The following TBL1X variants were observed in gnomAD, a reference collection of about 807,000 sequenced individuals.
TBL1X encodes the protein F-box-like/WD repeat-containing protein TBL1X.
Under a neutral mutation model 50.7 loss-of-function variants are expected in TBL1X, and 10 were observed. The ratio of observed to expected loss-of-function variants is 0.20; its 90% CI spans 0.12 to 0.33. The LOEUF is 0.33. TBL1X is among the 10% of genes least tolerant of loss of function. The pLI, the probability that TBL1X is intolerant of heterozygous loss-of-function variation, is 1.00. For missense variants in TBL1X, 340 were observed against 504.4 expected (o/e 0.67, Z 3.12); for synonymous variants, 190 against 214.7 (o/e 0.88, Z 1.01).
chrX:9,564,003 C>T (rs1342394044), intron 2 of TBL1X, among the ~76,000 whole-genome samples: 2 of 112,887 alleles, frequency 1.8e-5, no homozygotes, highest in Admixed American at 1.9e-4. Flanking sequence ...ATCAGAATGA[C>T]ATTGTATTTC....
chrX:9,659,249 A>G (rs2082883039), intron 5 of TBL1X, among the ~76,000 whole-genome samples: 1 of 112,489 alleles, frequency 8.9e-6, no homozygotes, highest in Admixed American at 9.4e-5. Context: ...ATTGCCTTGT[A>G]TCCCTTTGTA....
chrX:9,692,836 AGGCTG>A (rs1296509562), intron 9 of TBL1X, among the ~76,000 whole-genome samples: 27 of 112,762 alleles, frequency 2.4e-4, no homozygotes, highest in Middle Eastern at 9.2e-3. Context: ...GTGGGAAGGT[AGGCTG>A]GGAGCCCCAA....
chrX:9,653,969 A>G (rs16985648), intron 4 of TBL1X, among the ~76,000 whole-genome samples: 425 of 111,417 alleles, frequency 3.8e-3, no homozygotes, highest in African/African-American at 0.013. Context: ...TTTTTGCTCA[A>G]TTCTTCCCCG....
intron 2 of TBL1X, among the ~76,000 whole-genome samples, chrX:9,512,795 G>A (rs1371480590): frequency 3.6e-5 from 4 of 111,101 alleles, no homozygotes; most frequent in Non-Finnish European, 5.7e-5. Context: ...CACCGCACCC[G>A]GCCAGTGTAA....
chrX:9,492,926 C>A (rs1407567934), intron 1 of TBL1X, among the ~76,000 whole-genome samples: 1 of 97,056 alleles, frequency 1.0e-5, no homozygotes, highest in African/African-American at 3.9e-5. Context: ...AAGGATGAAA[C>A]CATTTGGGAA....
intron 2 of TBL1X, among the ~76,000 whole-genome samples, chrX:9,596,707 A>C (rs2082528216): frequency 2.7e-5 from 3 of 110,439 alleles, no homozygotes; most frequent in African/African-American, 9.9e-5. Context: ...CTAAACTGAG[A>C]CTCTGAAATC....
intron 5 of TBL1X, among the ~76,000 whole-genome samples, chrX:9,668,099 A>G (rs956827873): frequency 8.9e-6 from 1 of 112,012 alleles, no homozygotes; most frequent in Non-Finnish European, 1.9e-5. Context: ...TGTGTTACAA[A>G]CTTGTGTAAG....
At chrX:9,709,085 A>C (rs1453190986) in intron 13 of TBL1X, among the ~76,000 whole-genome samples, 163 bp from the exon 14 acceptor site, 1 of 111,536 alleles carries the variant, frequency 9.0e-6, no homozygotes, top group East Asian at 2.8e-4. Flanking sequence ...CAAAGTGAGA[A>C]AAAGAGGAAA....
At chrX:9,694,181 C>G (rs2083116499) in intron 11 of TBL1X, among the ~76,000 whole-genome samples, 1 of 105,887 alleles carries the variant, frequency 9.4e-6, no homozygotes, top group Non-Finnish European at 1.9e-5. Flanking sequence ...GTTCCCGAGA[C>G]TCAGCAGGAA....
At chrX:9,652,220 A>G (rs1454023854) in intron 3 of TBL1X, among the ~76,000 whole-genome samples, 1 of 111,890 alleles carries the variant, frequency 8.9e-6, no homozygotes, top group Non-Finnish European at 1.9e-5. Context: ...CAGGAGAGAA[A>G]TGTGGTCAAC....
chrX:9,636,394 A>G (rs745437228), intron 2 of TBL1X: 1 of 110,981 alleles, frequency 9.0e-6, no homozygotes, highest in East Asian at 2.8e-4. Flanking sequence ...CTCCATCTCT[A>G]TATTTAAAAA....
In TBL1X at chrX:9,710,874, C is replaced by T. The variant is rs144437560; in HGVS notation, c.1440-737C>T. Among the ~76,000 whole-genome samples the T allele has an allele frequency of 7.6e-3, 851 of 112,044 alleles. 8 individuals are homozygous for T. Among genetic ancestry groups the T allele is most frequent in the African/African-American group, 0.026 (810 of 30,799 alleles). ...AGGATTACAGGCATGATCTACTGTA[C>T]CTGGCCTAAAAAGTTTTTTAAATGT... is the stretch of plus-strand genomic sequence containing the variant. On this transcript the variant is annotated intron_variant, in intron 15 of 17. Coordinates refer to ENST00000645353, the MANE Select transcript of TBL1X (RefSeq NM_005647.4).
chrX:9,578,323 C>T (rs2082423116), intron 2 of TBL1X, among the ~76,000 whole-genome samples: 2 of 111,232 alleles, frequency 1.8e-5, no homozygotes, highest in African/African-American at 6.5e-5. Context: ...GCAGCCTCCA[C>T]CTCCTGGACT....
intron 2 of TBL1X, among the ~76,000 whole-genome samples, chrX:9,550,494 G>A (rs767382032): frequency 3.3e-4 from 37 of 111,929 alleles, no homozygotes; most frequent in Non-Finnish European, 5.6e-4. Context: ...TAAAGCTCCC[G>A]AAAGAAAGCA....
intron 2 of TBL1X, among the ~76,000 whole-genome samples, chrX:9,610,024 A>T (rs1450796197): frequency 8.9e-6 from 1 of 112,897 alleles, no homozygotes; most frequent in Admixed American, 9.3e-5. Flanking sequence ...TTGCTGGTCC[A>T]TTAGCCTCCT....
intron 2 of TBL1X, among the ~76,000 whole-genome samples, chrX:9,572,606 C>CACAGT (rs2082391702): frequency 8.9e-6 from 1 of 112,865 alleles, no homozygotes; most frequent in Non-Finnish European, 1.9e-5. Context: ...AGCATGTTAT[C>CACAGT]ACAGTACCGA....
chrX:9,520,923 C>A (rs1035633242), intron 2 of TBL1X, among the ~76,000 whole-genome samples: 4 of 110,840 alleles, frequency 3.6e-5, no homozygotes, highest in Non-Finnish European at 7.5e-5. Context: ...CATAGAGAGA[C>A]CCTGTTTTTA....
At chrX:9,556,790 T>G (rs191916882) in intron 2 of TBL1X, among the ~76,000 whole-genome samples, 1,783 of 108,352 alleles carry the variant, frequency 0.016, 32 homozygotes, top group African/African-American at 0.058. Context: ...TTTGTTTTGT[T>G]TTGTGTTTTT....
chrX:9,617,175 G>A (rs1456441997), intron 2 of TBL1X, among the ~76,000 whole-genome samples: 1 of 111,678 alleles, frequency 9.0e-6, no homozygotes, highest in Admixed American at 9.5e-5. Flanking sequence ...TGGGCATTAT[G>A]AGATAGTGTT....
Sources: allele counts gnomAD v4.1 joint callset (sites outside exome capture counted in the v4.1 genomes callset), GRCh38; gene constraint gnomAD v4.1.1; transcripts MANE v1.5; gene names NCBI Gene and HGNC (gene_info 2026-07-23, HGNC 2026-07-21).